NLRP2: variants seen among roughly 807,000 people sequenced by gnomAD.
The protein encoded by NLRP2 is NLR family pyrin domain containing 2.
Under a neutral mutation model 97.2 loss-of-function variants are expected in NLRP2, and 107 were observed. The ratio of observed to expected loss-of-function variants is 1.10; its 90% CI spans 0.94 to 1.29. NLRP2 has a LOEUF of 1.29. Among genes scored for constraint, NLRP2 ranks in the 50% most tolerant of loss-of-function variants. NLRP2 has a pLI of 0.00. For missense variants in NLRP2, 1,495 were observed against 1,330.3 expected (o/e 1.12, Z -1.93); for synonymous variants, 663 against 551.5 (o/e 1.20, Z -2.83).
intron 1 of NLRP2, among the ~76,000 whole-genome samples, chr19:54,968,862 C>T (rs1010044218): frequency 5.9e-5 from 9 of 151,872 alleles, no homozygotes; most frequent in East Asian, 3.9e-4. Flanking sequence ...CCACCACGCC[C>T]GGCTAATTTT....
chr19:55,000,718 T>C (rs930456242), intron 12 of NLRP2, 42 bp from the exon 13 acceptor site: 6 of 1,608,340 alleles, frequency 3.7e-6, no homozygotes, highest in Non-Finnish European at 3.4e-6. Flanking sequence ...ACAAATCTCC[T>C]TGATGCACAA....
rs149824323 is a variant in NLRP2, at chr19:54,983,368, C to T, written c.1670C>T (p.Ser557Phe). 1.2e-6 allele frequency: 2 copies of T among 1,614,102 alleles called. No individual in the cohort carries two copies. The highest frequency in any genetic ancestry group is 1.3e-5 in the African/African-American group (1 of 74,942). Residue 557 changes from serine to phenylalanine, a missense_variant, in exon 6 of 13, where the codon TCC becomes TTC. Ser to Phe is a radical substitution (Grantham distance 155). Transcript: ENST00000448584. ...GACCTGATCCAAGCAGGCTACTACT[C>T]CTTTGGCCTCGCTAACGAGAAGAGA... ...NPDLIQAGYY[S>F]FGLANEKRAK...
rs61335843 is a variant in NLRP2, at chr19:54,971,995, A to ATTTT, written c.280+1717_280+1720dup. Among the ~76,000 whole-genome samples, 262 of 116,396 alleles carry ATTTT rather than the reference A, an allele frequency of 2.3e-3. 1 individual carries two copies. The highest frequency in any genetic ancestry group is 0.013 in the Middle Eastern group (3 of 230). The allele number at this position is 116,396 out of a possible 152,430, so 76.4% of individuals were successfully genotyped here. ...AAGCATGTCCCACCATGCCTGGCTG[A>ATTTT]TTTTTTTTTTTTTTTTTTTTGTATT... On this transcript the variant is annotated intron_variant, in intron 2 of 12. Coordinates refer to ENST00000448584, the MANE Select transcript of NLRP2 (RefSeq NM_017852.5).
chr19:54,966,355 C>G (rs149150614), upstream of NLRP2: 1 of 151,372 alleles, frequency 6.6e-6, no homozygotes, highest in South Asian at 2.1e-4. Flanking sequence ...TGCTCAGCAA[C>G]GATTACGCCC....
At position 54,997,327 on chromosome 19, in the gene NLRP2, T is replaced by A. The variant is rs2072885229; in HGVS notation, c.2890T>A (p.Cys964Ser). The change falls in exon 12 of 13, where the codon TGT (cysteine) becomes AGT (serine). Residue 964 changes from cysteine to serine, a missense_variant. By Grantham distance (112) the Cys-to-Ser change is moderately radical (BLOSUM62 -1). Transcript: ENST00000448584. ...CNLRCLWLWG[C>S]SIPPFSCEDL... ...TCTGTGTTTCCCCAGGTTGTGGGGA[T>A]GTTCCATCCCTCCGTTCAGTTGTGA... 4 of 1,613,652 alleles carry A rather than the reference T, an allele frequency of 2.5e-6. No individual in the cohort carries two copies. Among genetic ancestry groups the A allele is most frequent in the Middle Eastern group, 3.6e-4 (2 of 5,630 alleles).
At chr19:54,969,127 TATA>T (rs774868904) in intron 1 of NLRP2, among the ~76,000 whole-genome samples, 7 of 152,164 alleles carry the variant, frequency 4.6e-5, no homozygotes, top group African/African-American at 1.4e-4. Context: ...ACTACTTTGC[TATA>T]ATGAGAGAGT....
intron 12 of NLRP2, among the ~76,000 whole-genome samples, chr19:54,997,701 C>T (rs955895435): frequency 4.0e-5 from 6 of 151,806 alleles, no homozygotes; most frequent in Admixed American, 6.6e-5. Context: ...GTGATCCGCC[C>T]GCCTCGGCCT....
intron 1 of NLRP2, among the ~76,000 whole-genome samples, chr19:54,968,742 C>A (rs1283892559): frequency 7.4e-6 from 1 of 135,914 alleles, no homozygotes; most frequent in Non-Finnish European, 1.6e-5. Flanking sequence ...TCGCCCCAGG[C>A]TGGAGTGCAG....
intron 10 of NLRP2, among the ~76,000 whole-genome samples, chr19:54,991,999 A>T (rs1242072659): frequency 6.9e-6 from 1 of 144,194 alleles, no homozygotes; most frequent in Non-Finnish European, 1.5e-5. Context: ...GCTCACTGCA[A>T]CCTCCGGCTT....
At chr19:54,981,479 T>C in intron 4 of NLRP2, 138 bp from the exon 5 acceptor site, 2 of 688,196 alleles carry the variant, frequency 2.9e-6, no homozygotes, top group Non-Finnish European at 2.7e-6. Context: ...GAAAACACAT[T>C]TGTAGCTTAT....
Position 54,983,142 on chromosome 19 carries a change from C to G in NLRP2, c.1444C>G (p.Leu482Val), listed in dbSNP as rs776687009. 1 of 1,613,938 alleles carries G rather than the reference C, an allele frequency of 6.2e-7. No individual in the cohort carries two copies. The highest frequency in any genetic ancestry group is 2.2e-5 in the East Asian group (1 of 44,868). Reference protein sequence around the residue: ...RLGVQESDLRLFLDGDILRQD... With the variant: ...RLGVQESDLRVFLDGDILRQD... ...CGGGGTGCAGGAGTCCGACCTCCGT[C>G]TGTTCCTGGACGGAGACATCCTCCG... The change falls in exon 6 of 13, where the codon CTG becomes GTG. Residue 482 changes from leucine to valine, a missense_variant. Transcript: ENST00000448584.
intron 2 of NLRP2, among the ~76,000 whole-genome samples, chr19:54,971,481 CTGT>C (rs1433515818): frequency 1.3e-5 from 2 of 151,962 alleles, no homozygotes; most frequent in African/African-American, 4.8e-5. Context: ...TCTCCAGCAC[CTGT>C]TGTTTCCTGA....
At chr19:54,988,004 A>G (rs2072211422) in intron 8 of NLRP2, among the ~76,000 whole-genome samples, 1 of 152,154 alleles carries the variant, frequency 6.6e-6, no homozygotes, top group African/African-American at 2.4e-5. Flanking sequence ...AGATCACGCC[A>G]TTGCACTCCA....
chr19:54,968,651 C>G (rs2070636596), intron 1 of NLRP2, among the ~76,000 whole-genome samples: 1 of 150,254 alleles, frequency 6.7e-6, no homozygotes, highest in Admixed American at 6.7e-5. Flanking sequence ...AAGTAAAAGC[C>G]ACACACCTGT....
intron 1 of NLRP2, among the ~76,000 whole-genome samples, chr19:54,968,782 G>A (rs1398533820): frequency 6.8e-6 from 1 of 146,388 alleles, no homozygotes; most frequent in Non-Finnish European, 1.5e-5. Flanking sequence ...CACAACCTCT[G>A]CCTCCCACTC....
Position 54,983,661 on chromosome 19 carries a change from C to T in NLRP2, c.1963C>T (p.Leu655=), listed in dbSNP as rs2071815663. 6 of 1,613,996 alleles carry T rather than the reference C, an allele frequency of 3.7e-6. No homozygotes were observed. The highest frequency in any genetic ancestry group is 1.3e-5 in the African/African-American group (1 of 74,930). The part of the protein sequence containing the change: ...KHCRNLQKMS[L]QVIKENLPEN... ...CTGTCGAAACCTGCAGAAAATGTCA[C>T]TGCAGGTAATAAAGGAGAATCTCCC... Residue 655 remains leucine, a synonymous_variant, in exon 6 of 13, where the codon CTG becomes TTG. Transcript: ENST00000448584.
intron 5 of NLRP2, among the ~76,000 whole-genome samples, chr19:54,981,903 C>G (rs150442508): frequency 3.4e-4 from 52 of 152,166 alleles, no homozygotes; most frequent in Non-Finnish European, 5.9e-4. Flanking sequence ...CTCAGCCTCC[C>G]GAGTAGCTGG....
chr19:54,996,521 G>A (rs1349494774), intron 11 of NLRP2, among the ~76,000 whole-genome samples: 1 of 152,060 alleles, frequency 6.6e-6, no homozygotes, highest in Non-Finnish European at 1.5e-5. Flanking sequence ...TTCAAAGATG[G>A]AAGTTATTTA....
chr19:54,992,482 T>C (rs940268171), intron 10 of NLRP2, among the ~76,000 whole-genome samples: 1 of 144,716 alleles, frequency 6.9e-6, no homozygotes, highest in Non-Finnish European at 1.5e-5. Context: ...TTCAAATGAA[T>C]GTCTAGTTTT....
Sources: allele counts gnomAD v4.1 joint callset (sites outside exome capture counted in the v4.1 genomes callset), GRCh38; gene constraint gnomAD v4.1.1; transcripts MANE v1.5; gene names NCBI Gene and HGNC (gene_info 2026-07-23, HGNC 2026-07-21).